The following TBC1D19 variants were observed in gnomAD, a reference collection of about 807,000 sequenced individuals.
TBC1D19 encodes TBC1 domain family, member 19.
In TBC1D19, 60 loss-of-function variants were observed where a neutral mutation model predicts 89.0. The observed-to-expected ratio is 0.67, with a 90% confidence interval of 0.55 to 0.84. The LOEUF (loss-of-function observed/expected upper bound fraction) is 0.84. Ranked by LOEUF, TBC1D19 falls within the 40% of genes least tolerant of loss-of-function variation. The pLI, the probability that TBC1D19 is intolerant of heterozygous loss-of-function variation, is 0.00. For missense variants in TBC1D19, 500 were observed against 610.8 expected (o/e 0.82, Z 1.91); for synonymous variants, 189 against 199.7 (o/e 0.95, Z 0.45).
At chr4:26,667,987 T>G (rs1011346897) in intron 9 of TBC1D19, among the ~76,000 whole-genome samples, 2 of 151,916 alleles carry the variant, frequency 1.3e-5, no homozygotes, top group Non-Finnish European at 2.9e-5. Flanking sequence ...AGGATTATTA[T>G]CTCCATATTA....
the TBC1D19 span, among the ~76,000 whole-genome samples, chr4:26,812,730 T>C: frequency 1.3e-5 from 2 of 151,740 alleles, no homozygotes; most frequent in African/African-American, 4.8e-5. The surrounding 1 kb of genome is among the most constrained non-coding windows in gnomAD (Gnocchi z 4.2). Context: ...CTATATAAGG[T>C]AAATTACCCA....
the TBC1D19 span, among the ~76,000 whole-genome samples, chr4:26,813,932 C>T: frequency 6.6e-6 from 1 of 152,110 alleles, no homozygotes; most frequent in Non-Finnish European, 1.5e-5. Flanking sequence ...CACCGCCTGT[C>T]TCCCTCCTCA....
At chr4:26,696,332 G>A (rs761106251) in intron 13 of TBC1D19, among the ~76,000 whole-genome samples, 15 of 152,088 alleles carry the variant, frequency 9.9e-5, no homozygotes, top group Non-Finnish European at 1.6e-4. Context: ...ATATGCACCC[G>A]ATACAGGACA....
chr4:26,623,674 GT>G (rs1483953070), intron 4 of TBC1D19, among the ~76,000 whole-genome samples: 4 of 151,964 alleles, frequency 2.6e-5, no homozygotes, highest in Admixed American at 2.6e-4. Context: ...TGAACTTCCT[GT>G]TTTTGTTACT....
intron 1 of TBC1D19, among the ~76,000 whole-genome samples, chr4:26,589,261 C>T (rs372649362): frequency 3.4e-4 from 51 of 152,054 alleles, no homozygotes; most frequent in African/African-American, 1.0e-3. Context: ...GGGGACAGAG[C>T]GAGACTCCAT....
chr4:26,763,069 G>A, the TBC1D19 span, among the ~76,000 whole-genome samples: 5 of 152,172 alleles, frequency 3.3e-5, no homozygotes, highest in Admixed American at 6.6e-5. Context: ...TAACTGTAAC[G>A]TATGAAAATA....
intron 1 of TBC1D19, among the ~76,000 whole-genome samples, chr4:26,607,173 C>T (rs927948054): frequency 6.6e-6 from 1 of 152,154 alleles, no homozygotes; most frequent in African/African-American, 2.4e-5. Flanking sequence ...TGTACCCTCT[C>T]TCACTAGATT....
chr4:26,723,684 G>T (rs533373837), intron 15 of TBC1D19, among the ~76,000 whole-genome samples: 3 of 152,240 alleles, frequency 2.0e-5, no homozygotes, highest in African/African-American at 4.8e-5. Flanking sequence ...CTTCTCAGAA[G>T]AATTTTATAA....
chr4:26,620,580 G>C (rs762954351), intron 3 of TBC1D19, 33 bp from the exon 4 acceptor site: 2 of 1,579,094 alleles, frequency 1.3e-6, no homozygotes, highest in Admixed American at 3.4e-5. Context: ...AGAGAATAAT[G>C]TGTGATATTT....
chr4:26,605,949 G>T (rs1382173947), intron 1 of TBC1D19, among the ~76,000 whole-genome samples: 1 of 152,058 alleles, frequency 6.6e-6, no homozygotes, highest in East Asian at 1.9e-4. Context: ...TATTTTAATT[G>T]TTTTTGTTTT....
chr4:26,772,349 A>G, the TBC1D19 span, among the ~76,000 whole-genome samples: 1 of 152,088 alleles, frequency 6.6e-6, no homozygotes, highest in Non-Finnish European at 1.5e-5. Context: ...TCTTGCAGTC[A>G]CAGACTCAGG....
chr4:26,834,829 C>T, the TBC1D19 span, among the ~76,000 whole-genome samples: 28 of 152,164 alleles, frequency 1.8e-4, no homozygotes, highest in African/African-American at 6.8e-4. Flanking sequence ...TCCATCTATA[C>T]TTTGATGATG....
At chr4:26,623,985 C>T (rs1742230718) in intron 4 of TBC1D19, among the ~76,000 whole-genome samples, 1 of 152,110 alleles carries the variant, frequency 6.6e-6, no homozygotes, top group African/African-American at 2.4e-5. Flanking sequence ...AACAAACTTT[C>T]AATGATTATT....
chr4:26,781,645 T>C, the TBC1D19 span, among the ~76,000 whole-genome samples: 15 of 152,264 alleles, frequency 9.9e-5, no homozygotes, highest in African/African-American at 3.6e-4. Flanking sequence ...AGGATAATGG[T>C]ATTTTTAGCA....
At chr4:26,807,674 C>T in the TBC1D19 span, among the ~76,000 whole-genome samples, 1 of 152,216 alleles carries the variant, frequency 6.6e-6, no homozygotes, top group African/African-American at 2.4e-5. Context: ...GGCACGAAAG[C>T]ACCCAGCCCC....
the TBC1D19 span, among the ~76,000 whole-genome samples, chr4:26,770,005 G>A: frequency 6.7e-6 from 1 of 150,220 alleles, no homozygotes; most frequent in Non-Finnish European, 1.5e-5. Context: ...CATAAAATAT[G>A]TTTTCAAAAG....
At chr4:26,662,077 G>C (rs1484307612) in intron 8 of TBC1D19, among the ~76,000 whole-genome samples, 1 of 152,110 alleles carries the variant, frequency 6.6e-6, no homozygotes, top group Admixed American at 6.6e-5. Flanking sequence ...AAATAACATT[G>C]CTTAGCAATA....
chr4:26,780,096 C>T, the TBC1D19 span, among the ~76,000 whole-genome samples: 1 of 152,188 alleles, frequency 6.6e-6, no homozygotes, highest in Non-Finnish European at 1.5e-5. Context: ...CAAAAGTTAA[C>T]CTCTACAGAA....
intron 1 of TBC1D19, among the ~76,000 whole-genome samples, chr4:26,608,207 G>C (rs1741129262): frequency 6.6e-6 from 1 of 152,132 alleles, no homozygotes; most frequent in Non-Finnish European, 1.5e-5. Flanking sequence ...AGTGTGCTGA[G>C]ATGACCAGGA....
Sources: allele counts gnomAD v4.1 joint callset (sites outside exome capture counted in the v4.1 genomes callset), GRCh38; gene constraint gnomAD v4.1.1; non-coding constraint Gnocchi (gnomAD v3.1); transcripts MANE v1.5; gene names NCBI Gene and HGNC (gene_info 2026-07-23, HGNC 2026-07-21).